ERGIC1: variants seen among roughly 807,000 people sequenced by gnomAD.
ERGIC1 encodes the protein endoplasmic reticulum-Golgi intermediate compartment protein 1.
Under a neutral mutation model 38.3 loss-of-function variants are expected in ERGIC1, and 19 were observed. That is an observed-to-expected ratio of 0.50 (90% CI 0.35 to 0.73). ERGIC1 has a LOEUF of 0.73. Among genes scored for constraint, ERGIC1 ranks in the 30% least tolerant of loss-of-function variants. The pLI is 0.01. For missense variants in ERGIC1, 294 were observed against 389.2 expected, an observed-to-expected ratio of 0.76 and a Z score of 2.06; for synonymous variants, 124 against 157.6, an observed-to-expected ratio of 0.79 and a Z score of 1.60.
Position 172,883,643 on chromosome 5 carries a change from C to T in ERGIC1, c.21-5056C>T, listed in dbSNP as rs1383993689. ...CGGCATATCAGGAGGCACAGGGTGC[C>T]GATGTGTCTCCATGCTTCCGGTGCC... On this transcript the variant is annotated intron_variant, in intron 1 of 9. Coordinates refer to ENST00000393784, the MANE Select transcript of ERGIC1 (RefSeq NM_001031711.3). 3.9e-5 allele frequency among the ~76,000 whole-genome samples: 6 copies of T among 152,248 alleles called. No individual in the cohort carries two copies. In the South Asian group the frequency reaches 1.0e-3, roughly 26 times the overall value.
At chr5:172,877,456 ATATTTTTT>A (rs1368225412) in intron 1 of ERGIC1, among the ~76,000 whole-genome samples, 4 of 79,768 alleles carry the variant, frequency 5.0e-5, no homozygotes, top group South Asian at 3.8e-4. Flanking sequence ...ATATATATAT[ATATTTTTT>A]TTTTTTTTTT....
rs546373065 is a variant in ERGIC1, at chr5:172,950,077, G to C, written c.766-632G>C. Among the ~76,000 whole-genome samples the C allele has an allele frequency of 3.9e-5, 6 of 152,216 alleles. No individual in the cohort carries two copies. The South Asian group carries it at 1.2e-3, about 32-fold the overall frequency. ...GACAGAAAAAAAAGAAAAAGAAAAAGAAACCTTGCTCTAATAGAAGCTTTC... is the reference window on the plus strand; with the variant it reads ...GACAGAAAAAAAAGAAAAAGAAAAACAAACCTTGCTCTAATAGAAGCTTTC... On this transcript the variant is annotated intron_variant, in intron 9 of 9. Transcript: ENST00000393784.
chr5:172,887,353 G>A (rs1472363458), intron 1 of ERGIC1, among the ~76,000 whole-genome samples: 1 of 152,218 alleles, frequency 6.6e-6, no homozygotes, highest in Admixed American at 6.5e-5. Flanking sequence ...TGCTACGCAG[G>A]TTCAAGTGAA....
At chr5:172,869,446 G>C (rs1406401944) in intron 1 of ERGIC1, among the ~76,000 whole-genome samples, 1 of 152,204 alleles carries the variant, frequency 6.6e-6, no homozygotes, top group Non-Finnish European at 1.5e-5. Context: ...GCCAAGCTGG[G>C]AGGCAAGCCA....
At chr5:172,878,812 G>GCAC (rs1433629915) in intron 1 of ERGIC1, among the ~76,000 whole-genome samples, 1 of 152,114 alleles carries the variant, frequency 6.6e-6, no homozygotes. Flanking sequence ...ATACACGCAT[G>GCAC]CACACACATA....
chr5:172,931,131 C>A (rs1422509668), intron 7 of ERGIC1: 1 of 152,124 alleles, frequency 6.6e-6, no homozygotes, highest in African/African-American at 2.4e-5. Context: ...AGGCTTAGAA[C>A]CCACAGGCCT....
At chr5:172,910,520 C>CTTTTTTTTTTT (rs58360974) in intron 4 of ERGIC1, among the ~76,000 whole-genome samples, 20 of 139,034 alleles carry the variant, frequency 1.4e-4, no homozygotes, top group African/African-American at 5.1e-4. Flanking sequence ...TGAATTACTT[C>CTTTTTTTTTTT]TTTTTTTTTT....
chr5:172,909,875 A>G, intron 4 of ERGIC1, 114 bp downstream of exon 4: 3 of 930,962 alleles, frequency 3.2e-6, no homozygotes, highest in Non-Finnish European at 5.2e-6. Flanking sequence ...GGTTCTCCCC[A>G]CTCTTTTTTG....
chr5:172,928,164 G>A (rs1763698192), intron 7 of ERGIC1, among the ~76,000 whole-genome samples: 1 of 152,204 alleles, frequency 6.6e-6, no homozygotes, highest in African/African-American at 2.4e-5. Flanking sequence ...TCAGCTGCTG[G>A]ACAGGAAAGA....
chr5:172,842,166 C>T (rs1023706974), intron 1 of ERGIC1, among the ~76,000 whole-genome samples: 4 of 152,198 alleles, frequency 2.6e-5, no homozygotes, highest in Non-Finnish European at 5.9e-5. Context: ...GCCTCAGCCT[C>T]CCAAGTAGCT....
intron 2 of ERGIC1, among the ~76,000 whole-genome samples, chr5:172,893,903 A>ATGTGTG (rs1279828120): frequency 1.3e-3 from 17 of 12,876 alleles, no homozygotes; most frequent in Admixed American, 4.3e-3. Flanking sequence ...ATATATATAT[A>ATGTGTG]TATGTGTGTG....
At chr5:172,888,443 G>C (rs1404136674) in intron 1 of ERGIC1, among the ~76,000 whole-genome samples, 2 of 151,784 alleles carry the variant, frequency 1.3e-5, no homozygotes, top group Non-Finnish European at 2.9e-5. Flanking sequence ...CTGGGTGACA[G>C]AGCGAGACCC....
intron 5 of ERGIC1, chr5:172,921,463 A>G (rs10051239): frequency 0.55 from 83,759 of 152,166 alleles, 23,663 homozygotes; most frequent in Non-Finnish European, 0.59. Context: ...GTCAGCCACA[A>G]GCTCGGGCCC....
rs763595862 is a variant in ERGIC1 at position 172,909,701 on chromosome 5, G to A, written c.190G>A (p.Asp64Asn). 1.1e-5 allele frequency: 17 copies of A among 1,614,098 alleles called. No individual in the cohort carries two copies. Among genetic ancestry groups the A allele is most frequent in the Non-Finnish European group, 1.4e-5 (16 of 1,180,046 alleles). Residue 64 changes from aspartate to asparagine, a missense_variant, in exon 4 of 10, where the codon GAC (aspartate) becomes AAC (asparagine). Asp to Asn is a conservative substitution (Grantham distance 23). This residue lies in a region of ERGIC1 where 163 missense variants were observed against 225.8 expected (regional missense o/e 0.72). Transcript: ENST00000393784. ...GCTCTATGTCGATGACCCAGACAAG[G>A]ACAGCGGTGGCAAGATCGACGTCAG... ...NELYVDDPDKDSGGKIDVSLN... is the reference protein window; with the variant it reads ...NELYVDDPDKNSGGKIDVSLN...
rs1198250776 is a variant in ERGIC1 at position 172,835,050 on chromosome 5, C to T, written c.20+617C>T. On this transcript the variant is annotated intron_variant, in intron 1 of 9. Coordinates refer to ENST00000393784, the MANE Select transcript of ERGIC1 (RefSeq NM_001031711.3). ...TGGGCAGGACTCTGCAGAAGGGCCA[C>T]CGGGGTCTGGCCTTGGCTTTCTGCA... Among the ~76,000 whole-genome samples, 3 of 152,332 alleles carry T rather than the reference C, an allele frequency of 2.0e-5. No homozygotes were observed. In the South Asian group the frequency reaches 6.2e-4, roughly 32 times the overall value.
intron 1 of ERGIC1, among the ~76,000 whole-genome samples, chr5:172,862,095 G>T (rs1044358113): frequency 1.3e-5 from 2 of 151,398 alleles, no homozygotes; most frequent in Non-Finnish European, 2.9e-5. Context: ...GGGTTCAAGC[G>T]ATTCTCCTGC....
intron 9 of ERGIC1, among the ~76,000 whole-genome samples, chr5:172,947,876 T>TTGTGTG (rs10566172): frequency 0.02 from 2,944 of 145,792 alleles, 58 homozygotes; most frequent in East Asian, 0.076. Flanking sequence ...CAGATGTGTT[T>TTGTGTG]TGTGTGTGTG....
intron 1 of ERGIC1, among the ~76,000 whole-genome samples, chr5:172,870,022 C>T (rs1761961354): frequency 6.6e-6 from 1 of 152,206 alleles, no homozygotes; most frequent in South Asian, 2.1e-4. Flanking sequence ...ACTCCATGAT[C>T]TTGAAGCTCC....
At chr5:172,927,993 G>C (rs949084871) in intron 7 of ERGIC1, among the ~76,000 whole-genome samples, 5 of 152,128 alleles carry the variant, frequency 3.3e-5, no homozygotes, top group Non-Finnish European at 7.3e-5. Context: ...CTCCAGCAAC[G>C]GATAAGTATA....
Sources: gnomAD v4.1 joint callset for allele counts (sites outside exome capture counted in the v4.1 genomes callset) on GRCh38, gnomAD v4.1.1 for gene constraint, gnomAD v4.1.1 regional missense constraint, MANE v1.5 for transcripts, NCBI Gene and HGNC (gene_info 2026-07-23, HGNC 2026-07-21) for gene names.